TMEM163: variants seen among roughly 807,000 people sequenced by gnomAD.
TMEM163 encodes transmembrane protein 163.
TMEM163 carries 17 observed loss-of-function variants against 29.3 expected under a neutral mutation model. That is an observed-to-expected ratio of 0.58 (90% CI 0.40 to 0.87). The LOEUF (loss-of-function observed/expected upper bound fraction) is 0.87. Among genes scored for constraint, TMEM163 ranks in the 40% least tolerant of loss-of-function variants. The probability of loss-of-function intolerance (pLI) is 0.00; values close to 1 mark genes in which losing one functional copy is unlikely to be tolerated. For synonymous variants in TMEM163, 157 were observed against 160.6 expected, an observed-to-expected ratio of 0.98 and a Z score of 0.17; for missense variants, 303 against 381.5, an observed-to-expected ratio of 0.79 and a Z score of 1.71.
chr2:134,693,187 T>C (rs2104885105), intron 2 of TMEM163, among the ~76,000 whole-genome samples: 1 of 152,216 alleles, frequency 6.6e-6, no homozygotes, highest in Admixed American at 6.5e-5. Context: ...AACTCTTTAC[T>C]CTCCCTCTTC....
At chr2:134,653,622 C>A (rs1683531833) in intron 2 of TMEM163, among the ~76,000 whole-genome samples, 1 of 50,184 alleles carries the variant, frequency 2.0e-5, no homozygotes. Flanking sequence ...TTTTCTAGTT[C>A]TTTTAATTGT....
At chr2:134,689,470 A>G (rs1270785780) in intron 2 of TMEM163, among the ~76,000 whole-genome samples, 1 of 152,166 alleles carries the variant, frequency 6.6e-6, no homozygotes, top group Non-Finnish European at 1.5e-5. Context: ...TTTCTATTGG[A>G]CAGCACTGGT....
chr2:134,679,535 GA>G (rs1158828739), intron 2 of TMEM163, among the ~76,000 whole-genome samples: 1 of 152,312 alleles, frequency 6.6e-6, no homozygotes, highest in East Asian at 1.9e-4. Context: ...TGATAGAAGT[GA>G]GCGACGCAGT....
intron 2 of TMEM163, among the ~76,000 whole-genome samples, chr2:134,702,952 C>T (rs1269195166): frequency 1.3e-5 from 2 of 152,082 alleles, no homozygotes; most frequent in African/African-American, 4.8e-5. Context: ...CTACAAATGA[C>T]AATAAAATGA....
At chr2:134,668,609 G>A (rs1683921148) in intron 2 of TMEM163, among the ~76,000 whole-genome samples, 1 of 150,052 alleles carries the variant, frequency 6.7e-6, no homozygotes, top group South Asian at 2.1e-4. Flanking sequence ...TGGGTGACAA[G>A]AGGGAAACTC....
At chr2:134,645,896 A>G (rs1337717849) in intron 2 of TMEM163, among the ~76,000 whole-genome samples, 1 of 152,158 alleles carries the variant, frequency 6.6e-6, no homozygotes, top group Non-Finnish European at 1.5e-5. Context: ...TGATCTTACA[A>G]TTGTTAAAAG....
chr2:134,718,877 G>A lies in TMEM163; in HGVS notation c.59C>T (p.Pro20Leu). 1 of 1,102,342 alleles carries A rather than the reference G, an allele frequency of 9.1e-7. No homozygotes were observed. The highest frequency in any genetic ancestry group is 1.1e-6 in the Non-Finnish European group (1 of 906,266). 68.3% of individuals were successfully genotyped at this position (1,102,342 alleles called of 1,614,324 possible). Residue 20 changes from proline (P) to leucine (L), a missense_variant, in exon 1 of 8, where the codon CCG becomes CTG. This residue lies in a region of TMEM163 where 100 missense variants were observed against 87.2 expected (regional missense o/e 1.15). Transcript: ENST00000281924. ...AGCCGGTGGCGCGTGGCCCCGGGGC[G>A]GCGGCGGGACGGTGGGCCCCTGGGA... ...RSSQGPTVPPPPRGHAPPAAA... is the reference protein window; with the variant it reads ...RSSQGPTVPPLPRGHAPPAAA...
At chr2:134,541,103 C>T (rs976687227) in intron 4 of TMEM163, among the ~76,000 whole-genome samples, 2 of 152,198 alleles carry the variant, frequency 1.3e-5, no homozygotes, top group Non-Finnish European at 2.9e-5. Flanking sequence ...GCAGGAACTA[C>T]CTGGTCAATT....
At chr2:134,519,119 T>A (rs575860945) in intron 4 of TMEM163, among the ~76,000 whole-genome samples, 2 of 152,268 alleles carry the variant, frequency 1.3e-5, no homozygotes, top group South Asian at 4.1e-4. Flanking sequence ...TTGGCAGAAG[T>A]GTTGTAGTAG....
chr2:134,612,542 A>AACACACACAC (rs3039625), intron 2 of TMEM163, among the ~76,000 whole-genome samples: 9,789 of 140,434 alleles, frequency 0.07, 521 homozygotes, highest in African/African-American at 0.13. Flanking sequence ...GGTTTGCCCC[A>AACACACACAC]ACACACACAC....
At chr2:134,657,159 A>G (rs1170846344) in intron 2 of TMEM163, among the ~76,000 whole-genome samples, 1 of 152,220 alleles carries the variant, frequency 6.6e-6, no homozygotes, top group East Asian at 1.9e-4. Flanking sequence ...ACTTTTAGTT[A>G]GTAGGATTGG....
intron 2 of TMEM163, 54 bp downstream of exon 2, chr2:134,713,146 G>A: frequency 6.3e-7 from 1 of 1,586,964 alleles, no homozygotes; most frequent in East Asian, 2.2e-5. Context: ...AGGAATTAGA[G>A]AATAAAACGG....
chr2:134,688,391 C>T (rs1041970895), intron 2 of TMEM163, among the ~76,000 whole-genome samples: 2 of 151,900 alleles, frequency 1.3e-5, no homozygotes, highest in Non-Finnish European at 2.9e-5. Context: ...GTGGGTGTAC[C>T]GAATACACAT....
intron 2 of TMEM163, among the ~76,000 whole-genome samples, chr2:134,689,882 C>G (rs1435128901): frequency 6.6e-6 from 1 of 152,220 alleles, no homozygotes; most frequent in South Asian, 2.1e-4. Flanking sequence ...GCATGCAGAG[C>G]CCAAAAGTAA....
chr2:134,559,628 G>A (rs1210420327), intron 2 of TMEM163, among the ~76,000 whole-genome samples: 2 of 152,108 alleles, frequency 1.3e-5, no homozygotes, highest in Non-Finnish European at 2.9e-5. Context: ...CAAGACCTCA[G>A]GGATGATCAT....
chr2:134,686,335 GC>G (rs1684350106), intron 2 of TMEM163, among the ~76,000 whole-genome samples: 2 of 152,202 alleles, frequency 1.3e-5, no homozygotes, highest in South Asian at 4.1e-4. Context: ...TGCGAAGCCT[GC>G]CCCCGGGCTC....
At chr2:134,543,474 A>G (rs570422218) in intron 4 of TMEM163, among the ~76,000 whole-genome samples, 134 of 152,340 alleles carry the variant, frequency 8.8e-4, no homozygotes, top group African/African-American at 3.0e-3. Context: ...TCACTTTCTC[A>G]GAGCCTCTGA....
In TMEM163 at chr2:134,525,320, C is replaced by A. The variant is rs137936099; in HGVS notation, c.459-22323G>T. On this transcript the variant is annotated intron_variant, in intron 4 of 7. Coordinates refer to ENST00000281924, the MANE Select transcript of TMEM163 (RefSeq NM_030923.5). ...GTGGGCCTGGCAGCATGCCCCTTAA[C>A]AAGCCCTCAGCAGATTCTGAGGCCC... is the stretch of plus-strand genomic sequence containing the variant. Among the ~76,000 whole-genome samples the A allele has an allele frequency of 2.0e-5, 3 of 152,228 alleles. No homozygotes were observed. In the East Asian group the frequency reaches 5.8e-4, roughly 29 times the overall value.
chr2:134,573,722 A>G (rs1032585512), intron 2 of TMEM163, among the ~76,000 whole-genome samples: 11 of 152,276 alleles, frequency 7.2e-5, no homozygotes, highest in Non-Finnish European at 5.9e-5. Context: ...ACTAAAAAAC[A>G]CAGTTAACCA....
Sources: gnomAD v4.1 joint callset for allele counts (sites outside exome capture counted in the v4.1 genomes callset) on GRCh38, gnomAD v4.1.1 for gene constraint, gnomAD v4.1.1 regional missense constraint, MANE v1.5 for transcripts, NCBI Gene and HGNC (gene_info 2026-07-23, HGNC 2026-07-21) for gene names.